The following ROBO2 variants were observed in gnomAD, a reference collection of about 807,000 sequenced individuals.
ROBO2 encodes the protein roundabout homolog 2.
Under a neutral mutation model 160.8 loss-of-function variants are expected in ROBO2, and 53 were observed. The ratio of observed to expected loss-of-function variants is 0.33; its 90% CI spans 0.26 to 0.41. The LOEUF (loss-of-function observed/expected upper bound fraction) is 0.41, where lower values mean the gene tolerates loss of function less well. Ranked by LOEUF, ROBO2 falls within the 10% of genes least tolerant of loss-of-function variation. The pLI, the probability that ROBO2 is intolerant of heterozygous loss-of-function variation, is 1.00. For missense variants in ROBO2, 1,577 were observed against 1,722.4 expected (o/e 0.92, Z 1.49); for synonymous variants, 664 against 611.7 (o/e 1.09, Z -1.26).
chr3:77,336,747 A>T (rs1248005713), intron 2 of ROBO2, among the ~76,000 whole-genome samples: 3 of 152,210 alleles, frequency 2.0e-5, no homozygotes, highest in Non-Finnish European at 4.4e-5. Context: ...CTGGTGTACC[A>T]CACCAACGCC....
chr3:76,720,569 G>C (rs1451132658), intron 2 of ROBO2, among the ~76,000 whole-genome samples: 1 of 152,170 alleles, frequency 6.6e-6, no homozygotes, highest in Non-Finnish European at 1.5e-5. Flanking sequence ...TACATACTTT[G>C]CAAGTTTGCC....
At chr3:76,997,271 T>C (rs2061070886) in intron 2 of ROBO2, among the ~76,000 whole-genome samples, 1 of 152,202 alleles carries the variant, frequency 6.6e-6, no homozygotes, top group East Asian at 1.9e-4. Flanking sequence ...GCATTTTAAA[T>C]TGATCTGATA....
chr3:77,088,299 C>T (rs999647990), intron 1 of ROBO2, among the ~76,000 whole-genome samples: 27 of 152,294 alleles, frequency 1.8e-4, no homozygotes, highest in East Asian at 1.2e-3. Context: ...AAGATCAACT[C>T]ATTCACCCTA....
At chr3:75,932,285 A>G (rs1947578583) in intron 1 of ROBO2, among the ~76,000 whole-genome samples, 1 of 152,156 alleles carries the variant, frequency 6.6e-6, no homozygotes, top group Admixed American at 6.5e-5. Flanking sequence ...ATTCATTTAA[A>G]CTTAGACTTA....
At chr3:76,324,200 C>G (rs543028888) in intron 2 of ROBO2, among the ~76,000 whole-genome samples, 133 of 152,198 alleles carry the variant, frequency 8.7e-4, no homozygotes, top group Middle Eastern at 3.4e-3. Flanking sequence ...CATGGGAGTA[C>G]TTTGACGTGC....
At chr3:76,494,422 C>A (rs1233248588) in intron 2 of ROBO2, among the ~76,000 whole-genome samples, 1 of 152,098 alleles carries the variant, frequency 6.6e-6, no homozygotes, top group East Asian at 1.9e-4. Flanking sequence ...CTTTTATACT[C>A]CATTGATCAA....
chr3:76,533,817 A>G (rs2082352022), intron 2 of ROBO2, among the ~76,000 whole-genome samples: 1 of 151,976 alleles, frequency 6.6e-6, no homozygotes, highest in South Asian at 2.1e-4. Flanking sequence ...CTCACTGTCC[A>G]GGAGAAGAAT....
chr3:76,018,324 A>C (rs2066464237), intron 2 of ROBO2, among the ~76,000 whole-genome samples: 1 of 152,034 alleles, frequency 6.6e-6, no homozygotes, highest in Non-Finnish European at 1.5e-5. Flanking sequence ...TTAGGAAAGA[A>C]AGGATTAATA....
At chr3:77,581,590 C>T (rs1483929660) in intron 16 of ROBO2, among the ~76,000 whole-genome samples, 1 of 151,896 alleles carries the variant, frequency 6.6e-6, no homozygotes, top group Non-Finnish European at 1.5e-5. Context: ...CTTTTTGTTT[C>T]TGATTTCTAC....
chr3:76,696,168 T>C (rs558491143), intron 2 of ROBO2, among the ~76,000 whole-genome samples: 1 of 152,056 alleles, frequency 6.6e-6, no homozygotes, highest in African/African-American at 2.4e-5. Context: ...TCGTAACGAG[T>C]CTAGCCTCCG....
At position 76,420,316 on chromosome 3, in the gene ROBO2, A is replaced by T. The variant is rs2075940552; in HGVS notation, c.109+482714A>T. On this transcript the variant is annotated intron_variant, in intron 2 of 26. Transcript: ENST00000487694. ...AGTCATGAGCCACTGAACCTGACCC[A>T]TTACACTGTTAAGAATACAGTCTTT... Among the ~76,000 whole-genome samples, 3 of 152,136 alleles carry T rather than the reference A, an allele frequency of 2.0e-5. No individual in the cohort carries two copies. The South Asian group carries it at 6.2e-4, about 32-fold the overall frequency.
intron 6 of ROBO2, among the ~76,000 whole-genome samples, chr3:77,527,843 C>T (rs912547140): frequency 3.3e-5 from 5 of 151,672 alleles, no homozygotes; most frequent in Admixed American, 6.6e-5. Context: ...TTTTAAGTTA[C>T]TCCGAGTCCC....
At chr3:77,502,360 T>G (rs2087744027) in intron 5 of ROBO2, among the ~76,000 whole-genome samples, 1 of 152,214 alleles carries the variant, frequency 6.6e-6, no homozygotes, top group African/African-American at 2.4e-5. Context: ...TAAGGACACT[T>G]ATTTCCCATA....
Position 76,915,996 on chromosome 3 carries a change from C to T in ROBO2, c.110-182018C>T, listed in dbSNP as rs147094253. Among the ~76,000 whole-genome samples the T allele has an allele frequency of 3.9e-3, 588 of 152,222 alleles. 5 individuals carry two copies. The highest frequency in any genetic ancestry group is 6.5e-3 in the Admixed American group (99 of 15,296). ...CCTCTCTTATAATCATACTAATTCCCAGTCACATGGGCTCCACCCTCATGA... is the reference window on the plus strand; with the variant it reads ...CCTCTCTTATAATCATACTAATTCCTAGTCACATGGGCTCCACCCTCATGA... On this transcript the variant is annotated intron_variant, in intron 2 of 26. Coordinates refer to the ROBO2 transcript ENST00000487694.
intron 2 of ROBO2, among the ~76,000 whole-genome samples, chr3:77,398,732 T>A (rs759667095): frequency 6.6e-6 from 1 of 151,764 alleles, no homozygotes; most frequent in Non-Finnish European, 1.5e-5. Context: ...CAGGCATACA[T>A]CACCTCCCCC....
intron 2 of ROBO2, among the ~76,000 whole-genome samples, chr3:76,624,224 G>T (rs2089446395): frequency 6.6e-6 from 1 of 152,100 alleles, no homozygotes; most frequent in Non-Finnish European, 1.5e-5. Context: ...AGGATATAAG[G>T]ATTGCTTACC....
intron 12 of ROBO2, 101 bp from the exon 14 acceptor site, chr3:77,568,212 C>T: frequency 7.2e-7 from 1 of 1,383,584 alleles, no homozygotes. Context: ...TTTTGTTTCC[C>T]TGTAATTAGT....
At chr3:76,135,701 T>C (rs1243886272) in intron 2 of ROBO2, among the ~76,000 whole-genome samples, 20 of 152,138 alleles carry the variant, frequency 1.3e-4, no homozygotes, top group Admixed American at 1.3e-3. Flanking sequence ...ATCTTGTCAG[T>C]AGCTGAGCCA....
At chr3:76,612,509 A>G (rs2088207314) in intron 2 of ROBO2, among the ~76,000 whole-genome samples, 1 of 152,132 alleles carries the variant, frequency 6.6e-6, no homozygotes, top group Non-Finnish European at 1.5e-5. Flanking sequence ...ATGAGAACAC[A>G]TGGACACAGG....
Sources: allele counts gnomAD v4.1 joint callset (sites outside exome capture counted in the v4.1 genomes callset), GRCh38; gene constraint gnomAD v4.1.1; transcripts MANE v1.5; gene names NCBI Gene and HGNC (gene_info 2026-07-23, HGNC 2026-07-21).